Variants in TASOR2 observed in about 807,000 individuals in gnomAD.
TASOR2 encodes the protein protein TASOR 2.
A neutral mutation model predicts 199.5 loss-of-function variants in TASOR2; 84 were observed. The ratio of observed to expected loss-of-function variants is 0.42; its 90% CI spans 0.35 to 0.50. The LOEUF (loss-of-function observed/expected upper bound fraction) is 0.50. TASOR2 is among the 20% of genes least tolerant of loss of function. The pLI is 0.02. For missense variants in TASOR2, 2,796 were observed against 2,835.9 expected (o/e 0.99, Z 0.32); for synonymous variants, 1,103 against 1,046.6 (o/e 1.05, Z -1.04).
intron 1 of TASOR2, among the ~76,000 whole-genome samples, chr10:5,703,444 G>A (rs1305991010): frequency 6.7e-6 from 1 of 150,168 alleles, no homozygotes; most frequent in Non-Finnish European, 1.5e-5. Flanking sequence ...CCTGGCATAA[G>A]CTTTATCTCA....
rs199718858 is a variant in TASOR2, at chr10:5,749,158, G to A, written c.5737G>A (p.Val1913Ile). The A allele has an allele frequency of 1.0e-3, 1,607 of 1,613,924 alleles. 2 individuals carry two copies. Among genetic ancestry groups the A allele is most frequent in the Admixed American group, 1.4e-3 (85 of 59,996 alleles). The change falls in exon 15 of 21, where the codon GTC (valine) becomes ATC (isoleucine). Residue 1913 changes from valine (V) to isoleucine (I), a missense_variant. This residue lies in a region of TASOR2 where 1,941 missense variants were observed against 1,924.9 expected (regional missense o/e 1.01). Coordinates refer to ENST00000328090, the Ensembl canonical transcript of TASOR2. ...AGAAGAGAAGTGTGTGCCGCCTTAC[G>A]TCCAAATCCGAGATCTCCACGGGAT...
intron 15 of TASOR2, among the ~76,000 whole-genome samples, chr10:5,753,936 A>G (rs1838455927): frequency 6.6e-6 from 1 of 152,170 alleles, no homozygotes; most frequent in African/African-American, 2.4e-5. Context: ...TCTAGAATCA[A>G]CCAAGTCAGC....
intron 1 of TASOR2, among the ~76,000 whole-genome samples, chr10:5,708,800 C>G (rs1036361857): frequency 6.6e-5 from 10 of 152,106 alleles, no homozygotes; most frequent in Admixed American, 3.3e-4. Context: ...CCCCCAGACT[C>G]AAGCCATCGT....
chr10:5,735,428 A>G (rs1393739839), exon 12 of TASOR2: 4 of 1,614,210 alleles, frequency 2.5e-6, no homozygotes, highest in East Asian at 4.5e-5. Context: ...AACAAGAGAA[A>G]TCTCCAGTCA....
chr10:5,742,045 CTAAAAT>C lies in TASOR2; in HGVS notation c.2328-51_2328-46del. 6.4e-7 allele frequency: 1 copy of C among 1,557,634 alleles called. No individual in the cohort carries two copies. The highest frequency in any genetic ancestry group is 8.7e-7 in the Non-Finnish European group (1 of 1,147,856). Reference sequence around the variant, plus strand: ...CACTTGCTTATGATAAGGTAATCAACTAAAATAACCATTTTCAATGATTTTCATGTG... The same window carrying C: ...CACTTGCTTATGATAAGGTAATCAACAACCATTTTCAATGATTTTCATGTG... On this transcript the variant is annotated intron_variant, in intron 13 of 20. Transcript: ENST00000328090. The surrounding 1 kb of genome is among the most constrained non-coding windows in gnomAD (Gnocchi z 4.2).
chr10:5,737,290 G>GT lies in TASOR2; in HGVS notation c.1447+1754dup, dbSNP rs980639174. ...CAGGTTTGTTTTTTTTAGTTTTTTT[G>GT]TTTTTTTTTTCAACTTAAGCATACC... On this transcript the variant is annotated intron_variant, in intron 12 of 20. Coordinates refer to ENST00000328090, the Ensembl canonical transcript of TASOR2. The surrounding 1 kb of genome is among the most constrained non-coding windows in gnomAD (Gnocchi z 4.9). 8.6e-4 allele frequency among the ~76,000 whole-genome samples: 125 copies of GT among 145,516 alleles called. 1 individual carries two copies. The highest frequency in any genetic ancestry group is 4.2e-3 in the South Asian group (19 of 4,530).
At chr10:5,759,849 G>A (rs553950986) in intron 18 of TASOR2, among the ~76,000 whole-genome samples, 1 of 152,356 alleles carries the variant, frequency 6.6e-6, no homozygotes, top group South Asian at 2.1e-4. Flanking sequence ...GGAAAGGAGG[G>A]TGCAAAGGCT....
intron 16 of TASOR2, among the ~76,000 whole-genome samples, chr10:5,757,200 T>A (rs1839087197): frequency 6.6e-6 from 1 of 152,252 alleles, no homozygotes; most frequent in Admixed American, 6.5e-5. Flanking sequence ...TGGAGACGAA[T>A]GACGGCGAAG....
At position 5,687,556 on chromosome 10, in the gene TASOR2, A is replaced by G. The variant is rs1290574764; in HGVS notation, c.-288+2381A>G. On this transcript the variant is annotated intron_variant, in intron 1 of 20. Transcript: ENST00000328090. This position sits in a 1 kb window ranked among gnomAD's most constrained non-coding sequence, Gnocchi z 4.8. ...TTGAGGGGGCCAGGTACGGTGGCCC[A>G]CGCCTGTAATCCCAGCACTTTGGGA... Among the ~76,000 whole-genome samples, 3 of 152,252 alleles carry G rather than the reference A, an allele frequency of 2.0e-5. No individual in the cohort carries two copies. The highest frequency in any genetic ancestry group is 1.5e-5 in the Non-Finnish European group (1 of 68,040).
chr10:5,723,918 A>G (rs1588729949), intron 7 of TASOR2, 141 bp downstream of exon 8: 1 of 477,456 alleles, frequency 2.1e-6, no homozygotes, highest in East Asian at 3.5e-5. Flanking sequence ...AAAGCTGTAG[A>G]GTTACTATTT....
chr10:5,761,195 G>C, intron 18 of TASOR2, 95 bp from the exon 20 acceptor site: 1 of 1,029,048 alleles, frequency 9.7e-7, no homozygotes, highest in East Asian at 2.4e-5. Flanking sequence ...GAAAGGCAGA[G>C]GAACTCATGA....
chr10:5,742,329 G>C lies in TASOR2; in HGVS notation c.2560G>C (p.Glu854Gln), dbSNP rs767645044. 22 of 1,614,012 alleles carry C rather than the reference G, an allele frequency of 1.4e-5. No individual in the cohort carries two copies. Among genetic ancestry groups the C allele is most frequent in the Non-Finnish European group, 1.7e-5 (20 of 1,180,018 alleles). ...AAAATGTTCTGCAGACTCTCTGTTG[G>C]AGACTAACGAAATTTCCAGGGCTCA... The change falls in exon 14 of 21, where the codon GAG becomes CAG. Residue 854 changes from glutamate to glutamine, a missense_variant. This residue lies in a region of TASOR2 where 1,941 missense variants were observed against 1,924.9 expected (regional missense o/e 1.01). Coordinates refer to ENST00000328090, the Ensembl canonical transcript of TASOR2. This position sits in a 1 kb window ranked among gnomAD's most constrained non-coding sequence, Gnocchi z 4.2.
rs1588540217 is a variant in TASOR2 at position 5,685,366 on chromosome 10, G to A, written c.-288+191G>A. Reference sequence around the variant, plus strand: ...TAGATGACTCAACCTTCTGTCCTGCGCTACAACCTGTGGCCGCGCTCGGTG... The same window carrying A: ...TAGATGACTCAACCTTCTGTCCTGCACTACAACCTGTGGCCGCGCTCGGTG... On this transcript the variant is annotated intron_variant, in intron 1 of 20. Coordinates refer to ENST00000328090, the Ensembl canonical transcript of TASOR2. This position sits in a 1 kb window ranked among gnomAD's most constrained non-coding sequence, Gnocchi z 5.4. 6.6e-6 allele frequency among the ~76,000 whole-genome samples: 1 copy of A among 152,116 alleles called. No individual in the cohort carries two copies. Among genetic ancestry groups the A allele is most frequent in the East Asian group, 1.9e-4 (1 of 5,160 alleles).
chr10:5,724,699 G>A (rs1833828880), intron 8 of TASOR2, among the ~76,000 whole-genome samples, 166 bp downstream of exon 9: 1 of 148,932 alleles, frequency 6.7e-6, no homozygotes, highest in Non-Finnish European at 1.5e-5. Context: ...ATATATATTA[G>A]TTGTGCTGAA....
At chr10:5,735,268 C>G (rs762506376) in intron 11 of TASOR2, 36 bp from the exon 13 acceptor site, 2 of 1,600,138 alleles carry the variant, frequency 1.2e-6, no homozygotes, top group Non-Finnish European at 1.7e-6. Context: ...ATCTGGGCCC[C>G]TACCCCTTAC....
intron 6 of TASOR2, among the ~76,000 whole-genome samples, chr10:5,723,165 C>T (rs1833606527): frequency 7.0e-6 from 1 of 143,628 alleles, no homozygotes. Context: ...CATTCTCCTG[C>T]CTCAGCCTCC....
intron 1 of TASOR2, chr10:5,712,493 A>G: frequency 4.1e-6 from 5 of 1,231,744 alleles, no homozygotes; most frequent in East Asian, 3.2e-5. Flanking sequence ...CATGGTTTTC[A>G]GTACAGTCAA....
chr10:5,727,988 G>A (rs773540208), intron 10 of TASOR2, among the ~76,000 whole-genome samples: 3 of 152,056 alleles, frequency 2.0e-5, no homozygotes, highest in Non-Finnish European at 4.4e-5. Flanking sequence ...CTGGGAGGCC[G>A]AGGCAGGTAG....
Position 5,687,707 on chromosome 10 carries a change from C to T in TASOR2, c.-288+2532C>T, listed in dbSNP as rs185882152. Among the ~76,000 whole-genome samples, 5 of 152,330 alleles carry T rather than the reference C, an allele frequency of 3.3e-5. No homozygotes were observed. Among genetic ancestry groups the T allele is most frequent in the Non-Finnish European group, 5.9e-5 (4 of 68,032 alleles). ...TGGTGGCAGGTGCAGGTAGTCCCAGCTACTCGGGAGGCCGAGACAAGAGAA... is the reference window on the plus strand; with the variant it reads ...TGGTGGCAGGTGCAGGTAGTCCCAGTTACTCGGGAGGCCGAGACAAGAGAA... On this transcript the variant is annotated intron_variant, in intron 1 of 20. Transcript: ENST00000328090. This position sits in a 1 kb window ranked among gnomAD's most constrained non-coding sequence, Gnocchi z 4.8.
Sources: gnomAD v4.1 joint callset for allele counts (sites outside exome capture counted in the v4.1 genomes callset) on GRCh38, gnomAD v4.1.1 for gene constraint, gnomAD v4.1.1 regional missense constraint, Gnocchi (gnomAD v3.1) non-coding constraint, MANE v1.5 for transcripts, NCBI Gene and HGNC (gene_info 2026-07-23, HGNC 2026-07-21) for gene names.